SMAD3: variants seen among roughly 807,000 people sequenced by gnomAD.
SMAD3 encodes MAD homolog 3.
A neutral mutation model predicts 51.8 loss-of-function variants in SMAD3; 12 were observed. That is an observed-to-expected ratio of 0.23 (90% CI 0.15 to 0.38). The LOEUF is 0.38. Among genes scored for constraint, SMAD3 ranks in the 10% least tolerant of loss-of-function variants. The pLI is 1.00. For missense variants in SMAD3, 294 were observed against 565.6 expected (o/e 0.52, Z 4.87); for synonymous variants, 238 against 227.7 (o/e 1.05, Z -0.41).
intron 1 of SMAD3, among the ~76,000 whole-genome samples, chr15:67,074,068 G>A (rs185974168): frequency 1.1e-3 from 175 of 152,340 alleles, no homozygotes; most frequent in African/African-American, 4.1e-3. Context: ...GACTCTATCA[G>A]CCTGGTGTCA....
At chr15:67,140,842 A>G (rs1233488605) in intron 1 of SMAD3, among the ~76,000 whole-genome samples, 3 of 152,124 alleles carry the variant, frequency 2.0e-5, no homozygotes, top group Non-Finnish European at 4.4e-5. Context: ...GGCCAGGTGT[A>G]AGGAAACGGA....
At chr15:67,085,062 A>T (rs546389001) in intron 1 of SMAD3, among the ~76,000 whole-genome samples, 1 of 152,322 alleles carries the variant, frequency 6.6e-6, no homozygotes, top group African/African-American at 2.4e-5. Context: ...ATGCTCGGGA[A>T]TCTTTAAAGA....
chr15:67,193,096 A>C lies in SMAD3; in HGVS notation c.*2560A>C, dbSNP rs571423885. Reference sequence around the variant, plus strand: ...AGGTGCTTTGGGCGTATGTAACATTAGTGTCCTTCCTTGAAGCCACAAGCT... The same window carrying C: ...AGGTGCTTTGGGCGTATGTAACATTCGTGTCCTTCCTTGAAGCCACAAGCT... On this transcript the variant is annotated 3_prime_UTR_variant, in exon 9 of 9. Coordinates refer to ENST00000327367, the MANE Select transcript of SMAD3 (RefSeq NM_005902.4). The C allele has an allele frequency of 4.3e-6, 1 of 233,362 alleles. No individual in the cohort carries two copies. The highest frequency in any genetic ancestry group is 6.0e-5 in the East Asian group (1 of 16,724). The allele number at this position is 233,362 out of a possible 1,614,324, so 14.5% of individuals were successfully genotyped here.
intron 1 of SMAD3, among the ~76,000 whole-genome samples, chr15:67,153,461 G>A (rs930523816): frequency 8.0e-6 from 1 of 124,452 alleles, no homozygotes; most frequent in Non-Finnish European, 1.6e-5. Context: ...TCCAGCCTGG[G>A]CAACAAGAGC....
intron 6 of SMAD3, among the ~76,000 whole-genome samples, chr15:67,182,986 TAAAAAAAA>T (rs35277759): frequency 1.8e-3 from 86 of 48,000 alleles, no homozygotes; most frequent in Admixed American, 8.8e-3. Context: ...TATATTTTAT[TAAAAAAAA>T]AAAAAAATAT....
intron 1 of SMAD3, among the ~76,000 whole-genome samples, chr15:67,101,579 G>C (rs1960759029): frequency 6.6e-6 from 1 of 152,192 alleles, no homozygotes. Flanking sequence ...AACAGGCTGA[G>C]CTGTAATTGA....
intron 1 of SMAD3, among the ~76,000 whole-genome samples, chr15:67,107,330 C>T (rs1161750814): frequency 6.6e-6 from 1 of 152,034 alleles, no homozygotes; most frequent in Non-Finnish European, 1.5e-5. Flanking sequence ...GGGGAGTGGG[C>T]CTTTCAGAGC....
chr15:67,180,184 C>T lies in SMAD3; in HGVS notation c.659-1057C>T, dbSNP rs74364368. On this transcript the variant is annotated intron_variant, in intron 5 of 8. Transcript: ENST00000327367. Reference sequence around the variant, plus strand: ...GCAGTTGGAAGAGGTTGGCCCAGGGCGCAGGGCAGTCCTGGTCCAGAGGCT... The same window carrying T: ...GCAGTTGGAAGAGGTTGGCCCAGGGTGCAGGGCAGTCCTGGTCCAGAGGCT... Among the ~76,000 whole-genome samples, 963 of 152,168 alleles carry T rather than the reference C, an allele frequency of 6.3e-3. 5 individuals carry two copies. The highest frequency in any genetic ancestry group is 0.01 in the Non-Finnish European group (687 of 67,988).
intron 1 of SMAD3, among the ~76,000 whole-genome samples, chr15:67,079,073 G>A (rs1462013654): frequency 6.6e-6 from 1 of 151,960 alleles, no homozygotes; most frequent in Non-Finnish European, 1.5e-5. Context: ...CTGCTTCCCG[G>A]ATTCAGGCTA....
chr15:67,145,422 T>A (rs1355106739), intron 1 of SMAD3, among the ~76,000 whole-genome samples: 1 of 152,226 alleles, frequency 6.6e-6, no homozygotes, highest in Non-Finnish European at 1.5e-5. Flanking sequence ...TCAAGGATGC[T>A]GTGCCATTTA....
At chr15:67,134,098 G>C (rs1003251032) in intron 1 of SMAD3, among the ~76,000 whole-genome samples, 1 of 152,124 alleles carries the variant, frequency 6.6e-6, no homozygotes, top group African/African-American at 2.4e-5. Flanking sequence ...AGTCACTCCA[G>C]GTTTCAGATG....
intron 1 of SMAD3, among the ~76,000 whole-genome samples, chr15:67,078,591 C>A (rs2140202036): frequency 6.6e-6 from 1 of 152,264 alleles, no homozygotes; most frequent in Non-Finnish European, 1.5e-5. Flanking sequence ...ATTTACCTCG[C>A]CTTTAGAGGG....
Position 67,184,633 on chromosome 15 carries a change from C to T in SMAD3, c.872-94C>T, listed in dbSNP as rs72661157. ...AAGCTGGCAGTCACTGGGAGCAGCT[C>T]TGCTGTTCTGCCTCCTTTGCGAGCC... On this transcript the variant is annotated intron_variant, in intron 6 of 8. Coordinates refer to ENST00000327367, the MANE Select transcript of SMAD3 (RefSeq NM_005902.4). 2,867 of 1,492,446 alleles carry T rather than the reference C, an allele frequency of 1.9e-3. 38 individuals are homozygous for T. In the African/African-American group the frequency reaches 0.031, roughly 16 times the overall value. 92.5% of individuals were successfully genotyped at this position (1,492,446 alleles called of 1,614,324 possible).
intron 1 of SMAD3, chr15:67,146,934 G>C (rs1006240120): frequency 2.6e-5 from 4 of 152,196 alleles, no homozygotes; most frequent in Admixed American, 2.6e-4. Context: ...AGGCAGAGTT[G>C]AAAGGGTGTC....
intron 1 of SMAD3, among the ~76,000 whole-genome samples, chr15:67,154,337 A>G (rs1962225847): frequency 6.6e-6 from 1 of 152,220 alleles, no homozygotes; most frequent in Non-Finnish European, 1.5e-5. Flanking sequence ...CTTGGTGGAA[A>G]TGTTTTAGTG....
intron 1 of SMAD3, among the ~76,000 whole-genome samples, chr15:67,161,811 T>C (rs1962439395): frequency 6.6e-6 from 1 of 152,148 alleles, no homozygotes; most frequent in South Asian, 2.1e-4. Flanking sequence ...GAATACCCCA[T>C]TTTATAGATG....
intron 6 of SMAD3, among the ~76,000 whole-genome samples, chr15:67,183,029 A>T (rs1200237078): frequency 0.069 from 3,274 of 47,716 alleles, 202 homozygotes; most frequent in East Asian, 0.14. Context: ...ATATATATAT[A>T]TATTTTTTTT....
At chr15:67,114,697 C>G (rs1961098163) in intron 1 of SMAD3, among the ~76,000 whole-genome samples, 1 of 152,124 alleles carries the variant, frequency 6.6e-6, no homozygotes, top group South Asian at 2.1e-4. Context: ...TGACTTCATC[C>G]TCCCCTCCTT....
At chr15:67,090,327 T>G (rs1398519690) in intron 1 of SMAD3, among the ~76,000 whole-genome samples, 1 of 152,112 alleles carries the variant, frequency 6.6e-6, no homozygotes, top group African/African-American at 2.4e-5. Flanking sequence ...GACAGGCATT[T>G]CACCTCTCTG....
Sources: gnomAD v4.1 joint callset for allele counts (sites outside exome capture counted in the v4.1 genomes callset) on GRCh38, gnomAD v4.1.1 for gene constraint, MANE v1.5 for transcripts, NCBI Gene and HGNC (gene_info 2026-07-23, HGNC 2026-07-21) for gene names.